Variants in METTL16 observed in about 807,000 individuals in gnomAD.
METTL16 encodes the protein RNA N(6)-adenosine-methyltransferase METTL16.
METTL16 carries 19 observed loss-of-function variants against 57.9 expected under a neutral mutation model. The observed-to-expected ratio is 0.33, with a 90% confidence interval of 0.23 to 0.48. METTL16 has a LOEUF of 0.48. Ranked by LOEUF, METTL16 falls within the 20% of genes least tolerant of loss-of-function variation. The pLI is 0.99. For missense variants in METTL16, 434 were observed against 691.5 expected (o/e 0.63, Z 4.18); for synonymous variants, 246 against 255.6 (o/e 0.96, Z 0.36).
At chr17:2,510,876 C>A (rs1567910803) in intron 1 of METTL16, among the ~76,000 whole-genome samples, 1 of 152,038 alleles carries the variant, frequency 6.6e-6, no homozygotes, top group Non-Finnish European at 1.5e-5. Flanking sequence ...GCTACCCAGG[C>A]TCTAGCTTCA....
rs1289924348 is a variant in METTL16, at chr17:2,450,104, C to T, written c.729-8545G>A. ...AGTTAAACATACACTTACAACAGGA[C>T]CAGGAGTCCTACTCTCAGGTATTTA... On this transcript the variant is annotated intron_variant, in intron 6 of 9. Coordinates refer to ENST00000263092, the MANE Select transcript of METTL16 (RefSeq NM_024086.4). Among the ~76,000 whole-genome samples, 6 of 152,240 alleles carry T rather than the reference C, an allele frequency of 3.9e-5. 1 individual carries two copies. The East Asian group carries it at 1.2e-3, about 29-fold the overall frequency.
intron 1 of METTL16, among the ~76,000 whole-genome samples, chr17:2,506,488 G>A (rs2067536116): frequency 2.1e-5 from 2 of 95,794 alleles, no homozygotes; most frequent in African/African-American, 5.4e-5. Context: ...GGGTTTCGCT[G>A]TGTTGGCCGG....
chr17:2,431,877 T>C (rs2066875998), intron 8 of METTL16, among the ~76,000 whole-genome samples: 1 of 152,130 alleles, frequency 6.6e-6, no homozygotes, highest in Non-Finnish European at 1.5e-5. Flanking sequence ...ACAACAAGGA[T>C]ATAATAACAA....
At chr17:2,502,046 C>T (rs1343489972) in intron 2 of METTL16, among the ~76,000 whole-genome samples, 158 bp downstream of exon 2, 4 of 152,074 alleles carry the variant, frequency 2.6e-5, no homozygotes, top group African/African-American at 7.2e-5. Flanking sequence ...TAATGTTATA[C>T]ATTAAAAAGC....
Position 2,489,732 on chromosome 17 carries a change from C to CAAAAAAAAAAAAAAA in METTL16, c.129-11862_129-11848dup, listed in dbSNP as rs61506042. Among the ~76,000 whole-genome samples the CAAAAAAAAAAAAAAA allele has an allele frequency of 2.2e-4, 13 of 60,322 alleles. 2 individuals carry two copies. The highest frequency in any genetic ancestry group is 9.0e-4 in the South Asian group (1 of 1,116). The allele number at this position is 60,322 out of a possible 152,430, so 39.6% of individuals were successfully genotyped here. The stretch of plus-strand genomic sequence containing the variant: ...CCAGCCTGGATGACAGAGCGAGACT[C>CAAAAAAAAAAAAAAA]AAAAAAAAAAAAAAAAACGAATACT... On this transcript the variant is annotated intron_variant, in intron 2 of 9. Transcript: ENST00000263092.
intron 8 of METTL16, among the ~76,000 whole-genome samples, chr17:2,435,196 A>C (rs1476230023): frequency 6.6e-6 from 1 of 152,260 alleles, no homozygotes; most frequent in Non-Finnish European, 1.5e-5. Context: ...CCAGTGAATT[A>C]GAATTTTTCA....
intron 2 of METTL16, among the ~76,000 whole-genome samples, chr17:2,478,928 G>C (rs762231911): frequency 2.0e-5 from 3 of 152,064 alleles, no homozygotes; most frequent in Non-Finnish European, 4.4e-5. Flanking sequence ...TGACCATCAC[G>C]AACAATGCTG....
intron 1 of METTL16, among the ~76,000 whole-genome samples, chr17:2,505,877 T>A (rs1429438058): frequency 2.0e-5 from 3 of 152,188 alleles, no homozygotes; most frequent in Non-Finnish European, 2.9e-5. Flanking sequence ...AGGCACTACA[T>A]GACCTGGCCT....
chr17:2,420,362 C>T lies in METTL16; in HGVS notation c.1297G>A (p.Gly433Arg), dbSNP rs1358945461. ...ARGPQERTPC[G>R]PALREGEAAA... ...GCCTCGCCTTCCCGCAGAGCAGGCC[C>T]ACAGGGGGTCCTCTCCTGGGGGCCC... Residue 433 changes from glycine to arginine, a missense_variant, in exon 10 of 10, where the codon GGG becomes AGG. Around this residue, in one of 5 missense-constraint regions of METTL16, gnomAD observed 168 missense variants for 149.6 expected, o/e 1.12. Transcript: ENST00000263092. The surrounding 1 kb of genome is among the most constrained non-coding windows in gnomAD (Gnocchi z 5.4). 2 of 1,612,210 alleles carry T rather than the reference C, an allele frequency of 1.2e-6. No individual in the cohort carries two copies. Among genetic ancestry groups the T allele is most frequent in the Non-Finnish European group, 8.5e-7 (1 of 1,179,996 alleles).
intron 1 of METTL16, among the ~76,000 whole-genome samples, chr17:2,507,400 C>T (rs2067551217): frequency 6.7e-6 from 1 of 149,550 alleles, no homozygotes; most frequent in Admixed American, 6.6e-5. Context: ...CCAGCCCGGC[C>T]AGCCGCCCCA....
intron 5 of METTL16, among the ~76,000 whole-genome samples, chr17:2,465,899 A>G (rs1722793271): frequency 6.6e-6 from 1 of 151,420 alleles, no homozygotes; most frequent in Non-Finnish European, 1.5e-5. Context: ...AAAAGGACAA[A>G]TAAGAAGTGT....
intron 8 of METTL16, among the ~76,000 whole-genome samples, chr17:2,428,636 C>A: frequency 7.6e-6 from 1 of 131,262 alleles, no homozygotes; most frequent in Admixed American, 8.2e-5. Context: ...GTGGCTCACA[C>A]CTGTAATCTC....
At chr17:2,441,057 T>C (rs1298224735) in intron 7 of METTL16, among the ~76,000 whole-genome samples, 1 of 150,028 alleles carries the variant, frequency 6.7e-6, no homozygotes, top group Non-Finnish European at 1.5e-5. Context: ...TAAACTTAAG[T>C]ATCCATCAAC....
intron 2 of METTL16, among the ~76,000 whole-genome samples, chr17:2,489,736 A>AAAAAAAAAAC (rs968518098): frequency 6.7e-6 from 1 of 149,660 alleles, no homozygotes; most frequent in East Asian, 1.9e-4. Context: ...GAGACTCAAA[A>AAAAAAAAAAC]AAAAAAAAAA....
At chr17:2,504,747 T>G (rs1340638627) in intron 1 of METTL16, among the ~76,000 whole-genome samples, 1 of 152,132 alleles carries the variant, frequency 6.6e-6, no homozygotes. Flanking sequence ...TTTAATTTTA[T>G]TTTTTGTAGA....
chr17:2,468,494 G>C (rs1016668102), intron 4 of METTL16, among the ~76,000 whole-genome samples: 1 of 152,082 alleles, frequency 6.6e-6, no homozygotes, highest in Admixed American at 6.5e-5. Flanking sequence ...CAACTTGACC[G>C]CAAATGCATC....
chr17:2,440,484 T>C (rs1054051109), intron 7 of METTL16, among the ~76,000 whole-genome samples: 2 of 151,938 alleles, frequency 1.3e-5, no homozygotes, highest in Admixed American at 6.6e-5. Context: ...CTTGACCTCA[T>C]GATCCGCCCA....
At chr17:2,506,343 C>T (rs2067534243) in intron 1 of METTL16, among the ~76,000 whole-genome samples, 1 of 150,856 alleles carries the variant, frequency 6.6e-6, no homozygotes, top group Admixed American at 6.6e-5. Context: ...CGAGCCGAAG[C>T]TGAACTGTGC....
At chr17:2,489,111 C>CTTTTTTTTTTTTTTTTTTTTTTTTT (rs11404983) in intron 2 of METTL16, among the ~76,000 whole-genome samples, 1 of 146,324 alleles carries the variant, frequency 6.8e-6, no homozygotes, top group Non-Finnish European at 1.5e-5. Flanking sequence ...ACTTTTCATT[C>CTTTTTTTTTTTTTTTTTTTTTTTTT]TTTTTTTTTT....
Sources: gnomAD v4.1 joint callset for allele counts (sites outside exome capture counted in the v4.1 genomes callset) on GRCh38, gnomAD v4.1.1 for gene constraint, gnomAD v4.1.1 regional missense constraint, Gnocchi (gnomAD v3.1) non-coding constraint, MANE v1.5 for transcripts, NCBI Gene and HGNC (gene_info 2026-07-23, HGNC 2026-07-21) for gene names.